PRKD3: variants seen among roughly 807,000 people sequenced by gnomAD.
PRKD3 encodes serine/threonine-protein kinase D3.
Under a neutral mutation model 99.2 loss-of-function variants are expected in PRKD3, and 47 were observed. The ratio of observed to expected loss-of-function variants is 0.47; its 90% CI spans 0.38 to 0.60. PRKD3 has a LOEUF of 0.60. PRKD3 is among the 20% of genes least tolerant of loss of function. PRKD3 has a pLI of 0.00. For missense variants in PRKD3, 1,019 were observed against 1,088.4 expected, an observed-to-expected ratio of 0.94 and a Z score of 0.90; for synonymous variants, 392 against 355.4, an observed-to-expected ratio of 1.10 and a Z score of -1.16.
intron 14 of PRKD3, among the ~76,000 whole-genome samples, chr2:37,266,040 T>A (rs1176754698): frequency 2.6e-5 from 4 of 152,154 alleles, no homozygotes. Context: ...GACAACATAT[T>A]CATACTATTC....
At chr2:37,288,737 T>G (rs876462) in intron 5 of PRKD3, among the ~76,000 whole-genome samples, 41,822 of 152,114 alleles carry the variant, frequency 0.27, 7,357 homozygotes, top group Non-Finnish European at 0.37. Flanking sequence ...GTCACTTAGC[T>G]GCTCTGTGTC....
chr2:37,318,341 T>C (rs1191299046), intron 1 of PRKD3, among the ~76,000 whole-genome samples: 1 of 152,234 alleles, frequency 6.6e-6, no homozygotes, highest in East Asian at 1.9e-4. Flanking sequence ...TTTCACATAC[T>C]TTACCTCATA....
chr2:37,260,554 T>C (rs1303314339), intron 14 of PRKD3, among the ~76,000 whole-genome samples, 170 bp from the exon 15 acceptor site: 1 of 152,208 alleles, frequency 6.6e-6, no homozygotes, highest in African/African-American at 2.4e-5. Flanking sequence ...GTTTTAATTC[T>C]CCAAGTTGTG....
At chr2:37,276,153 A>G (rs904109264) in intron 9 of PRKD3, among the ~76,000 whole-genome samples, 1 of 152,136 alleles carries the variant, frequency 6.6e-6, no homozygotes, top group Admixed American at 6.6e-5. Flanking sequence ...ACACACACAC[A>G]TAAAAATATG....
At chr2:37,299,511 T>TACAC (rs70949749) in intron 2 of PRKD3, among the ~76,000 whole-genome samples, 2,068 of 132,552 alleles carry the variant, frequency 0.016, 32 homozygotes, top group South Asian at 0.026. Flanking sequence ...TCTACTAAAA[T>TACAC]ACACACACAC....
At chr2:37,321,805 G>A (rs1188382585) in intron 1 of PRKD3, among the ~76,000 whole-genome samples, 1 of 152,186 alleles carries the variant, frequency 6.6e-6, no homozygotes, top group Non-Finnish European at 1.5e-5. Flanking sequence ...TATTTAAGCT[G>A]AGATCTCTGG....
Position 37,256,725 on chromosome 2 carries a change from C to A in PRKD3, c.2350G>T (p.Asp784Tyr). ...ATAAATGCAGCATTTTGGATTTGGT[C>A]ATTTATATCTTCATCCTCATTAAAA... Reference protein sequence around the residue: ...FPFNEDEDINDQIQNAAFMYP... With the variant: ...FPFNEDEDINYQIQNAAFMYP... The change falls in exon 17 of 19, where the codon GAC becomes TAC. Residue 784 changes from aspartate to tyrosine, a missense_variant. By Grantham distance (160) the Asp-to-Tyr change is radical. Coordinates refer to ENST00000234179, the MANE Select transcript of PRKD3 (RefSeq NM_005813.6). 6.4e-7 allele frequency: 1 copy of A among 1,559,964 alleles called. No homozygotes were observed. Among genetic ancestry groups the A allele is most frequent in the South Asian group, 1.1e-5 (1 of 90,018 alleles).
intron 2 of PRKD3, among the ~76,000 whole-genome samples, chr2:37,299,511 T>TACACACACACAC (rs70949749): frequency 3.8e-5 from 5 of 132,502 alleles, no homozygotes; most frequent in Admixed American, 7.6e-5. Context: ...TCTACTAAAA[T>TACACACACACAC]ACACACACAC....
intron 2 of PRKD3, among the ~76,000 whole-genome samples, chr2:37,302,421 G>A (rs550998870): frequency 4.6e-5 from 7 of 152,180 alleles, no homozygotes; most frequent in Admixed American, 1.3e-4. Flanking sequence ...AGATGACTTC[G>A]ATAATTTTAA....
intron 2 of PRKD3, among the ~76,000 whole-genome samples, chr2:37,307,753 C>A (rs1368399896): frequency 6.6e-6 from 1 of 152,168 alleles, no homozygotes; most frequent in African/African-American, 2.4e-5. Context: ...AGAAACTCCA[C>A]CCTACTCCAC....
chr2:37,264,402 G>C (rs188570793), intron 14 of PRKD3, among the ~76,000 whole-genome samples: 1 of 151,984 alleles, frequency 6.6e-6, no homozygotes, highest in African/African-American at 2.4e-5. Flanking sequence ...GCCTTGTCTC[G>C]CAGAGCTTAT....
chr2:37,285,170 C>T (rs993722451), intron 6 of PRKD3, among the ~76,000 whole-genome samples: 5 of 152,140 alleles, frequency 3.3e-5, no homozygotes, highest in African/African-American at 1.2e-4. Flanking sequence ...TATATCCTAT[C>T]CTGGCTCAAT....
chr2:37,316,350 T>A lies in PRKD3; in HGVS notation c.175A>T (p.Thr59Ser). 1 of 1,614,196 alleles carries A rather than the reference T, an allele frequency of 6.2e-7. No individual in the cohort carries two copies. The highest frequency in any genetic ancestry group is 1.1e-5 in the South Asian group (1 of 91,082). The change falls in exon 2 of 19, where the codon ACA becomes TCA. Residue 59 changes from threonine (T) to serine (S), a missense_variant. Physicochemically the swap from Thr to Ser is moderately conservative, Grantham distance 58. Around this residue, in one of 3 missense-constraint regions of PRKD3, gnomAD observed 710 missense variants for 692.7 expected, o/e 1.02. Transcript: ENST00000234179. ...SLTNSRGSVH[T>S]VSFLLQIGLT... is the part of the protein sequence containing the mutation. ...CCAATTTGCAGTAGAAATGAAACTGTATGCACTGAGCCTCTGGAGTTGGTG... is the reference window on the plus strand; with the variant it reads ...CCAATTTGCAGTAGAAATGAAACTGAATGCACTGAGCCTCTGGAGTTGGTG...
At chr2:37,309,784 G>A (rs1317215177) in intron 2 of PRKD3, among the ~76,000 whole-genome samples, 3 of 144,052 alleles carry the variant, frequency 2.1e-5, no homozygotes, top group Non-Finnish European at 4.5e-5. Context: ...TGAGTCGGAA[G>A]TTGCAGTGAG....
In PRKD3 at chr2:37,253,166, T is replaced by TAGCTC. The variant is rs1449511475; in HGVS notation, c.*6_*10dup. ...AAATGAAATCCTTCCTTATTTAGGT[T>TAGCTC]AGCTCAGTGATTAAGGATCTTCTTC... On this transcript the variant is annotated 3_prime_UTR_variant, in exon 19 of 19. Coordinates refer to ENST00000234179, the MANE Select transcript of PRKD3 (RefSeq NM_005813.6). The TAGCTC allele has an allele frequency of 6.3e-7, 1 of 1,588,016 alleles. No homozygotes were observed. The highest frequency in any genetic ancestry group is 1.4e-5 in the African/African-American group (1 of 73,632).
At chr2:37,303,677 G>A (rs1241482498) in intron 2 of PRKD3, among the ~76,000 whole-genome samples, 2 of 152,126 alleles carry the variant, frequency 1.3e-5, no homozygotes, top group African/African-American at 2.4e-5. Context: ...TCCCAAGTCC[G>A]ATGAAGAGGT....
Position 37,317,244 on chromosome 2 carries a change from G to C in PRKD3, c.-655-65C>G, listed in dbSNP as rs1671705113. The C allele has an allele frequency of 5.6e-6, 4 of 720,306 alleles. No individual in the cohort carries two copies. In the South Asian group the frequency reaches 2.5e-4, roughly 45 times the overall value. The allele number at this position is 720,306 out of a possible 1,614,324, so 44.6% of individuals were successfully genotyped here. A position where few individuals can be genotyped will look rare whatever the true frequency, so the allele number is the denominator to read the frequency against. ...TCATTCGACATTAATTTAAAAATAA[G>C]AACATAACTTTTTTAAATGACAATT... On this transcript the variant is annotated intron_variant, in intron 1 of 18. Coordinates refer to ENST00000234179, the MANE Select transcript of PRKD3 (RefSeq NM_005813.6).
intron 2 of PRKD3, among the ~76,000 whole-genome samples, chr2:37,305,233 A>G (rs979990049): frequency 6.6e-6 from 1 of 152,216 alleles, no homozygotes; most frequent in African/African-American, 2.4e-5. Context: ...CGATGCAGTT[A>G]AAGAACAGAC....
At chr2:37,274,334 T>A (rs1019238443) in intron 11 of PRKD3, 87 bp downstream of exon 11, 2 of 1,459,796 alleles carry the variant, frequency 1.4e-6, no homozygotes, top group Admixed American at 2.0e-5. Flanking sequence ...AGGATGAACA[T>A]TAAAAGGAAC....
Sources: gnomAD v4.1 joint callset for allele counts (sites outside exome capture counted in the v4.1 genomes callset) on GRCh38, gnomAD v4.1.1 for gene constraint, gnomAD v4.1.1 regional missense constraint, MANE v1.5 for transcripts, NCBI Gene and HGNC (gene_info 2026-07-23, HGNC 2026-07-21) for gene names.